SLAMF9: variants seen among roughly 807,000 people sequenced by gnomAD.
SLAMF9 encodes the protein SLAM family member 9, also known as CD2 family member 10.
Under a neutral mutation model 30.4 loss-of-function variants are expected in SLAMF9, and 25 were observed. That is an observed-to-expected ratio of 0.82 (90% confidence interval 0.60 to 1.15). The LOEUF (loss-of-function observed/expected upper bound fraction) is 1.15. Ranked by LOEUF, SLAMF9 falls within the 50% of genes most tolerant of loss-of-function variation. The pLI is 0.00. For synonymous variants in SLAMF9, 129 were observed against 127.2 expected (o/e 1.01, Z -0.09); for missense variants, 344 against 346.1 (o/e 0.99, Z 0.05).
At chr1:159,972,780 T>G in the SLAMF9 span, 1 of 636,892 alleles carries the variant, frequency 1.6e-6, no homozygotes, top group Non-Finnish European at 2.3e-6. Context: ...CTGTACCACA[T>G]CTTCCACAGC....
intron 2 of SLAMF9, 71 bp downstream of exon 2, chr1:159,953,238 G>T: frequency 1.6e-6 from 2 of 1,281,926 alleles, no homozygotes; most frequent in Non-Finnish European, 1.1e-6. Context: ...GTCCTGAGAC[G>T]CCCACTCCAT....
At chr1:159,976,213 A>G in the SLAMF9 span, among the ~76,000 whole-genome samples, 1 of 152,150 alleles carries the variant, frequency 6.6e-6, no homozygotes, top group Non-Finnish European at 1.5e-5. Flanking sequence ...AACAACTAAG[A>G]TGGTTATTAA....
At chr1:159,954,908 G>A (rs577482159), upstream of SLAMF9, among the ~76,000 whole-genome samples, 1 of 151,828 alleles carries the variant, frequency 6.6e-6, no homozygotes, top group Non-Finnish European at 1.5e-5. Flanking sequence ...GTGAAACCCC[G>A]TCTCTACTAA....
upstream of SLAMF9, among the ~76,000 whole-genome samples, chr1:159,958,850 G>A (rs1324388693): frequency 6.6e-6 from 1 of 152,130 alleles, no homozygotes; most frequent in Non-Finnish European, 1.5e-5. Context: ...ATCTTATTCA[G>A]TGGGGTAGTC....
chr1:159,954,686 T>C (rs1034679571), upstream of SLAMF9, among the ~76,000 whole-genome samples: 1 of 152,230 alleles, frequency 6.6e-6, no homozygotes, highest in Non-Finnish European at 1.5e-5. Flanking sequence ...TTGATAGCTT[T>C]ATAATGGATG....
upstream of SLAMF9, among the ~76,000 whole-genome samples, chr1:159,957,545 A>G (rs149098798): frequency 0.015 from 2,268 of 152,048 alleles, 54 homozygotes; most frequent in African/African-American, 0.051. Flanking sequence ...AATTGCTTGA[A>G]CCTGGGAGGC....
At chr1:159,958,429 T>C (rs34702040), upstream of SLAMF9, among the ~76,000 whole-genome samples, 3,482 of 152,048 alleles carry the variant, frequency 0.023, 58 homozygotes, top group Middle Eastern at 0.054. Context: ...TCTGAGAGCA[T>C]GATTGTCAAG....
At chr1:159,977,083 A>C in the SLAMF9 span, 1 of 152,194 alleles carries the variant, frequency 6.6e-6, no homozygotes, top group African/African-American at 2.4e-5. Flanking sequence ...AAGATTTCCT[A>C]ATCTCACCAC....
the SLAMF9 span, among the ~76,000 whole-genome samples, chr1:159,960,219 A>T: frequency 2.3e-5 from 3 of 131,368 alleles, no homozygotes; most frequent in African/African-American, 2.9e-5. Context: ...CCTGTGTCCA[A>T]GTGTTCTCAT....
upstream of SLAMF9, among the ~76,000 whole-genome samples, chr1:159,958,769 G>A (rs1651982292): frequency 1.3e-5 from 2 of 151,970 alleles, no homozygotes; most frequent in Admixed American, 1.3e-4. Flanking sequence ...CTAGCCAAGT[G>A]TAATTTTCAT....
chr1:159,959,623 G>T, the SLAMF9 span, among the ~76,000 whole-genome samples: 3 of 152,078 alleles, frequency 2.0e-5, no homozygotes, highest in Non-Finnish European at 4.4e-5. Context: ...CTCACTTGCG[G>T]GGCCACATTC....
At chr1:159,973,744 C>A in the SLAMF9 span, 2 of 1,529,694 alleles carry the variant, frequency 1.3e-6, no homozygotes, top group Non-Finnish European at 1.8e-6. Context: ...TCTCTAGAGA[C>A]GGGACCCCTG....
chr1:159,953,513 T>C lies in SLAMF9; in HGVS notation c.187A>G (p.Thr63Ala). ...IIWSSHKSLA[T>A]VVPGKEGHPA... ...TGTCCCTCTTTCCCTGGCACCACAG[T>C]GGCAAGACTTTTGTGAGAGGACCAG... The change falls in exon 2 of 4, where the codon ACT becomes GCT. Residue 63 changes from threonine (T) to alanine (A), a missense_variant. By Grantham distance (58) the Thr-to-Ala change is moderately conservative. Coordinates refer to ENST00000368093, the MANE Select transcript of SLAMF9 (RefSeq NM_033438.4). The C allele has an allele frequency of 6.2e-7, 1 of 1,614,182 alleles. No homozygotes were observed. Among genetic ancestry groups the C allele is most frequent in the South Asian group, 1.1e-5 (1 of 91,088 alleles).
At chr1:159,976,996 A>AAGAAAG in the SLAMF9 span, 1 of 107,246 alleles carries the variant, frequency 9.3e-6, no homozygotes, top group Non-Finnish European at 2.1e-5. Context: ...GAAGGAAAGA[A>AAGAAAG]AGAAAGAAAG....
At chr1:159,973,444 T>C in the SLAMF9 span, among the ~76,000 whole-genome samples, 5 of 152,270 alleles carry the variant, frequency 3.3e-5, no homozygotes, top group East Asian at 7.7e-4. Context: ...CCACAAGCTC[T>C]GAAATGACTC....
At chr1:159,969,280 G>A in the SLAMF9 span, among the ~76,000 whole-genome samples, 2 of 136,992 alleles carry the variant, frequency 1.5e-5, no homozygotes, top group Non-Finnish European at 3.2e-5. Flanking sequence ...GATAAGGGGG[G>A]AAGGGGTATA....
At chr1:159,971,462 T>C in the SLAMF9 span, among the ~76,000 whole-genome samples, 8 of 152,148 alleles carry the variant, frequency 5.3e-5, no homozygotes, top group Non-Finnish European at 8.8e-5. Context: ...GAGAACAAGG[T>C]CCCTCAGGGA....
chr1:159,983,103 C>G, the SLAMF9 span: 1 of 152,224 alleles, frequency 6.6e-6, no homozygotes, highest in South Asian at 2.1e-4. Flanking sequence ...CTTGGCCATT[C>G]ATTAGAACCC....
In SLAMF9 at chr1:159,951,579, C is replaced by T; in HGVS notation, c.*82G>A. On this transcript the variant is annotated 3_prime_UTR_variant, in exon 4 of 4. Transcript: ENST00000368093. ...ATACCCACCCCTGAGCACCTCCTTC[C>T]CCTGGAAAGAAGAGAGCTGAGGAAG... The T allele has an allele frequency of 1.4e-6, 2 of 1,382,168 alleles. No homozygotes were observed. The highest frequency in any genetic ancestry group is 2.0e-6 in the Non-Finnish European group (2 of 987,632). 85.6% of individuals were successfully genotyped at this position (1,382,168 alleles called of 1,614,324 possible).
Sources: allele counts gnomAD v4.1 joint callset (sites outside exome capture counted in the v4.1 genomes callset), GRCh38; gene constraint gnomAD v4.1.1; transcripts MANE v1.5; gene names NCBI Gene and HGNC (gene_info 2026-07-23, HGNC 2026-07-21).